The following KIF16B variants were observed in gnomAD, a reference collection of about 807,000 sequenced individuals.
The protein encoded by KIF16B is kinesin-like protein KIF16B.
KIF16B carries 98 observed loss-of-function variants against 156.3 expected under a neutral mutation model. The ratio of observed to expected loss-of-function variants is 0.63; its 90% CI spans 0.53 to 0.74. The LOEUF (loss-of-function observed/expected upper bound fraction) is 0.74. Ranked by LOEUF, KIF16B falls within the 30% of genes least tolerant of loss-of-function variation. The probability of loss-of-function intolerance (pLI) is 0.00; values close to 1 mark genes in which losing one functional copy is unlikely to be tolerated. For missense variants in KIF16B, 1,421 were observed against 1,606.5 expected (o/e 0.88, Z 1.97); for synonymous variants, 564 against 583.7 (o/e 0.97, Z 0.49).
intron 25 of KIF16B, among the ~76,000 whole-genome samples, chr20:16,294,986 C>T (rs1016592588): frequency 2.6e-5 from 4 of 152,140 alleles, no homozygotes; most frequent in African/African-American, 7.2e-5. Context: ...CTGATGAGGA[C>T]TTTTTGATTC....
intron 4 of KIF16B, among the ~76,000 whole-genome samples, chr20:16,513,677 A>C (rs1023590430): frequency 4.6e-5 from 7 of 151,122 alleles, no homozygotes; most frequent in African/African-American, 1.5e-4. Context: ...AAAAAAAAAA[A>C]AAAAAACCAC....
chr20:16,291,233 T>C (rs2063310427), intron 25 of KIF16B, among the ~76,000 whole-genome samples: 1 of 152,230 alleles, frequency 6.6e-6, no homozygotes, highest in African/African-American at 2.4e-5. Context: ...GGGAAGTTTG[T>C]TAAATTACTC....
At chr20:16,406,251 A>T (rs561536893) in intron 16 of KIF16B, 123 bp downstream of exon 16, 2 of 776,440 alleles carry the variant, frequency 2.6e-6, no homozygotes, top group Admixed American at 2.0e-5. Context: ...AATCCAGATC[A>T]CAGAACTACT....
chr20:16,498,418 C>T (rs1217794495), intron 10 of KIF16B, among the ~76,000 whole-genome samples: 3 of 152,116 alleles, frequency 2.0e-5, no homozygotes. Flanking sequence ...CTATCCTACC[C>T]GCAGGCAATC....
At chr20:16,525,005 A>G (rs1276801410) in intron 3 of KIF16B, among the ~76,000 whole-genome samples, 2 of 152,150 alleles carry the variant, frequency 1.3e-5, no homozygotes, top group East Asian at 1.9e-4. Context: ...GGAGGGGAAC[A>G]TCACATACCA....
At chr20:16,293,303 G>T (rs1257044772) in intron 25 of KIF16B, among the ~76,000 whole-genome samples, 1 of 152,216 alleles carries the variant, frequency 6.6e-6, no homozygotes, top group African/African-American at 2.4e-5. Context: ...TGGGTTTTTG[G>T]TAGGGGAGGA....
chr20:16,555,907 A>C (rs2070831069), intron 1 of KIF16B, among the ~76,000 whole-genome samples: 1 of 152,236 alleles, frequency 6.6e-6, no homozygotes, highest in East Asian at 1.9e-4. Flanking sequence ...CTGACTCATT[A>C]ATTCATTTAT....
intron 15 of KIF16B, among the ~76,000 whole-genome samples, chr20:16,415,138 G>C (rs144094963): frequency 5.3e-4 from 80 of 152,206 alleles, no homozygotes; most frequent in African/African-American, 1.8e-3. Flanking sequence ...GGAAAATGTA[G>C]AAAGCACAGG....
chr20:16,468,858 T>C (rs951959651), intron 12 of KIF16B, among the ~76,000 whole-genome samples: 2 of 152,128 alleles, frequency 1.3e-5, no homozygotes, highest in Non-Finnish European at 2.9e-5. Flanking sequence ...TTAACACCTA[T>C]AGACTACTTC....
intron 15 of KIF16B, among the ~76,000 whole-genome samples, chr20:16,412,791 A>C (rs2065991725): frequency 6.6e-6 from 1 of 152,146 alleles, no homozygotes; most frequent in Admixed American, 6.5e-5. Context: ...CGGCCAAACC[A>C]TATCAGATAG....
intron 23 of KIF16B, among the ~76,000 whole-genome samples, 182 bp from the exon 24 acceptor site, chr20:16,336,197 C>A (rs867152559): frequency 3.9e-5 from 6 of 152,286 alleles, no homozygotes; most frequent in Middle Eastern, 6.8e-3. Context: ...TTTACTTAAA[C>A]ATGCAGCTTT....
In KIF16B at chr20:16,382,429, G is replaced by C. The variant is rs576644196; in HGVS notation, c.1785-682C>G. ...ATAAATATAAACAGTAGTCAAACTA[G>C]CACCTTTACTACTTTATAGATAGTT... On this transcript the variant is annotated intron_variant, in intron 17 of 25. Coordinates refer to ENST00000354981, the MANE Select transcript of KIF16B (RefSeq NM_024704.5). Among the ~76,000 whole-genome samples the C allele has an allele frequency of 1.8e-4, 27 of 152,222 alleles. No individual in the cohort carries two copies. The South Asian group carries it at 4.8e-3, about 27-fold the overall frequency.
At chr20:16,373,069 C>A (rs956847120) in intron 20 of KIF16B, among the ~76,000 whole-genome samples, 1 of 152,122 alleles carries the variant, frequency 6.6e-6, no homozygotes. Context: ...ATAAGTAAAT[C>A]TGCATAAACA....
intron 25 of KIF16B, among the ~76,000 whole-genome samples, chr20:16,280,299 C>T (rs1039495916): frequency 6.6e-6 from 1 of 152,116 alleles, no homozygotes; most frequent in Non-Finnish European, 1.5e-5. Context: ...GGCTTCCCCC[C>T]TCTCTTACAC....
At chr20:16,432,358 G>A (rs1857742004) in intron 12 of KIF16B, among the ~76,000 whole-genome samples, 3 of 152,084 alleles carry the variant, frequency 2.0e-5, no homozygotes, top group African/African-American at 4.8e-5. Context: ...GATGCTCCTG[G>A]AGAATCTCCT....
chr20:16,404,166 T>G (rs1251865142), intron 17 of KIF16B, among the ~76,000 whole-genome samples: 1 of 152,180 alleles, frequency 6.6e-6, no homozygotes, highest in Non-Finnish European at 1.5e-5. Context: ...CCTCCATTAT[T>G]TTACATGAGA....
chr20:16,356,579 T>A (rs1308577472), intron 22 of KIF16B, 127 bp from the exon 23 acceptor site: 1 of 1,002,918 alleles, frequency 1.0e-6, no homozygotes, highest in East Asian at 2.6e-5. Context: ...CCAGTAGGGT[T>A]TATTTAGAAA....
At chr20:16,495,870 T>G (rs2068437625) in intron 11 of KIF16B, among the ~76,000 whole-genome samples, 1 of 152,112 alleles carries the variant, frequency 6.6e-6, no homozygotes, top group Non-Finnish European at 1.5e-5. Flanking sequence ...TTTGTATTTT[T>G]TGTAAAGAGG....
At chr20:16,431,572 C>T (rs926075673) in intron 12 of KIF16B, among the ~76,000 whole-genome samples, 11 of 152,094 alleles carry the variant, frequency 7.2e-5, no homozygotes, top group Admixed American at 2.6e-4. Flanking sequence ...TTCTGGACTG[C>T]GGCACAGTTG....
Sources: allele counts gnomAD v4.1 joint callset (sites outside exome capture counted in the v4.1 genomes callset), GRCh38; gene constraint gnomAD v4.1.1; transcripts MANE v1.5; gene names NCBI Gene and HGNC (gene_info 2026-07-23, HGNC 2026-07-21).